Variants in ABCA13 observed in about 807,000 individuals in gnomAD.
ABCA13 encodes ATP-binding cassette sub-family A member 13.
In ABCA13, 476 loss-of-function variants were observed where a neutral mutation model predicts 478.7. That is an observed-to-expected ratio of 0.99 (90% CI 0.92 to 1.07). The LOEUF is 1.07. ABCA13 is among the 50% of genes least tolerant of loss of function. The probability of loss-of-function intolerance (pLI) is 0.00; values close to 1 mark genes in which losing one functional copy is unlikely to be tolerated. For missense variants in ABCA13, 6,060 were observed against 5,910.6 expected (o/e 1.03, Z -0.83); for synonymous variants, 2,252 against 2,158.9 (o/e 1.04, Z -1.20).
intron 44 of ABCA13, among the ~76,000 whole-genome samples, chr7:48,469,919 C>CAA (rs5884046): frequency 4.5e-4 from 60 of 134,382 alleles, no homozygotes; most frequent in Middle Eastern, 3.8e-3. Context: ...GACTCCATCT[C>CAA]AAAAAAAAAA....
At chr7:48,556,344 C>A (rs1213284600) in intron 55 of ABCA13, among the ~76,000 whole-genome samples, 1 of 151,802 alleles carries the variant, frequency 6.6e-6, no homozygotes, top group Non-Finnish European at 1.5e-5. Context: ...AGATTAAGTC[C>A]AATGTTTCTT....
chr7:48,313,999 G>C (rs1334989819), intron 25 of ABCA13, among the ~76,000 whole-genome samples: 3 of 151,556 alleles, frequency 2.0e-5, no homozygotes, highest in Non-Finnish European at 4.4e-5. Flanking sequence ...GTGTGTGTGT[G>C]TGTGTGTAGG....
intron 10 of ABCA13, 21 bp from the exon 11 acceptor site, chr7:48,244,555 T>G: frequency 6.2e-7 from 1 of 1,604,322 alleles, no homozygotes; most frequent in South Asian, 1.1e-5. Flanking sequence ...TTTTATTTCA[T>G]TTATTTATTT....
chr7:48,284,217 T>G (rs1276210799), intron 19 of ABCA13, among the ~76,000 whole-genome samples: 1 of 152,196 alleles, frequency 6.6e-6, no homozygotes, highest in Non-Finnish European at 1.5e-5. Flanking sequence ...AAGAATTGAT[T>G]GGTCATTGGG....
intron 24 of ABCA13, among the ~76,000 whole-genome samples, chr7:48,312,039 C>G (rs1801858688): frequency 6.6e-6 from 1 of 152,158 alleles, no homozygotes; most frequent in Admixed American, 6.5e-5. Context: ...ACAAAAGCTA[C>G]ACACCATTTC....
intron 6 of ABCA13, among the ~76,000 whole-genome samples, chr7:48,227,759 A>AT (rs1366345046): frequency 1.3e-5 from 2 of 152,236 alleles, no homozygotes; most frequent in African/African-American, 4.8e-5. Flanking sequence ...ATATACTGTA[A>AT]TTTACTTAAT....
In ABCA13 at chr7:48,401,502, C is replaced by T. The variant is rs186621377; in HGVS notation, c.11874-2181C>T. 6.2e-4 allele frequency among the ~76,000 whole-genome samples: 95 copies of T among 152,208 alleles called. 1 individual carries two copies. The highest frequency in any genetic ancestry group is 2.2e-3 in the African/African-American group (92 of 41,532). On this transcript the variant is annotated intron_variant, in intron 38 of 61. Coordinates refer to ENST00000435803, the MANE Select transcript of ABCA13 (RefSeq NM_152701.5). ...ATCTGTAACATTTATCTCATTGTGT[C>T]CTAATTGGATATATACACATGATTT...
At chr7:48,411,320 T>TTTTCTTTTCTTTTCC (rs1819202055) in intron 40 of ABCA13, among the ~76,000 whole-genome samples, 1 of 149,674 alleles carries the variant, frequency 6.7e-6, no homozygotes. Flanking sequence ...TTTTCTTTTC[T>TTTTCTTTTCTTTTCC]TTTCTTTCAA....
intron 45 of ABCA13, among the ~76,000 whole-genome samples, chr7:48,475,260 T>C (rs1027353876): frequency 7.2e-5 from 11 of 152,132 alleles, no homozygotes; most frequent in Non-Finnish European, 1.6e-4. Flanking sequence ...GTGTGGCTAC[T>C]CTTTGGGGTT....
chr7:48,633,676 A>G (rs2131646563), intron 59 of ABCA13, among the ~76,000 whole-genome samples: 1 of 151,744 alleles, frequency 6.6e-6, no homozygotes, highest in African/African-American at 2.4e-5. Flanking sequence ...AAGGAGTTTG[A>G]GACCAGCCTG....
chr7:48,348,255 T>C (rs922360819), intron 29 of ABCA13, among the ~76,000 whole-genome samples: 4 of 152,164 alleles, frequency 2.6e-5, no homozygotes, highest in Admixed American at 2.0e-4. Context: ...TCCAAGGAAC[T>C]CTGAGATGCT....
intron 20 of ABCA13, among the ~76,000 whole-genome samples, chr7:48,294,481 C>T (rs982253146): frequency 6.7e-6 from 1 of 148,448 alleles, no homozygotes; most frequent in Non-Finnish European, 1.5e-5. Flanking sequence ...GCTCTGTCGC[C>T]CAGGCCAGAC....
chr7:48,603,523 G>T (rs527289308), intron 58 of ABCA13, among the ~76,000 whole-genome samples: 2 of 152,260 alleles, frequency 1.3e-5, no homozygotes, highest in African/African-American at 4.8e-5. Flanking sequence ...TTATGTGATG[G>T]ATTATGTTTA....
intron 27 of ABCA13, among the ~76,000 whole-genome samples, chr7:48,327,957 T>C (rs536186861): frequency 1.3e-5 from 2 of 152,320 alleles, no homozygotes; most frequent in South Asian, 4.1e-4. Flanking sequence ...ACACAGAATT[T>C]GGTGAATCAG....
intron 48 of ABCA13, among the ~76,000 whole-genome samples, chr7:48,505,094 G>GT (rs1283922673): frequency 6.6e-6 from 1 of 152,190 alleles, no homozygotes; most frequent in Non-Finnish European, 1.5e-5. Flanking sequence ...TATCTGGACA[G>GT]TATTAATTTA....
intron 59 of ABCA13, among the ~76,000 whole-genome samples, chr7:48,633,838 A>C (rs896838135): frequency 1.5e-4 from 23 of 152,076 alleles, no homozygotes; most frequent in Non-Finnish European, 1.5e-5. Context: ...GCAGTGAGCC[A>C]AGATTGCACT....
intron 51 of ABCA13, 126 bp downstream of exon 51, chr7:48,511,325 T>A: frequency 1.3e-6 from 1 of 772,712 alleles, no homozygotes; most frequent in Non-Finnish European, 2.0e-6. Flanking sequence ...ATGTTGCTTC[T>A]GCAAGGGACA....
At chr7:48,475,009 T>A (rs1827926585) in intron 45 of ABCA13, among the ~76,000 whole-genome samples, 1 of 152,250 alleles carries the variant, frequency 6.6e-6, no homozygotes, top group Non-Finnish European at 1.5e-5. Flanking sequence ...AAAGCAGTAT[T>A]AAGCAGGTAT....
At chr7:48,398,662 A>C (rs1817185046) in intron 38 of ABCA13, among the ~76,000 whole-genome samples, 1 of 152,194 alleles carries the variant, frequency 6.6e-6, no homozygotes, top group South Asian at 2.1e-4. Flanking sequence ...GAACTTTGTT[A>C]GACCTTTAAG....
Sources: gnomAD v4.1 joint callset for allele counts (sites outside exome capture counted in the v4.1 genomes callset) on GRCh38, gnomAD v4.1.1 for gene constraint, MANE v1.5 for transcripts, NCBI Gene and HGNC (gene_info 2026-07-23, HGNC 2026-07-21) for gene names.